AGBL2: variants seen among roughly 807,000 people sequenced by gnomAD.
The protein encoded by AGBL2 is cytosolic carboxypeptidase 2.
AGBL2 carries 87 observed loss-of-function variants against 103.0 expected under a neutral mutation model. The ratio of observed to expected loss-of-function variants is 0.84; its 90% CI spans 0.71 to 1.01. The LOEUF is 1.01. Ranked by LOEUF, AGBL2 falls within the 50% of genes least tolerant of loss-of-function variation. The pLI, the probability that AGBL2 is intolerant of heterozygous loss-of-function variation, is 0.00. For missense variants in AGBL2, 904 were observed against 1,023.5 expected, an observed-to-expected ratio of 0.88 and a Z score of 1.59; for synonymous variants, 335 against 356.7, an observed-to-expected ratio of 0.94 and a Z score of 0.69.
chr11:47,676,813 C>CAAAAAA (rs566335901), intron 14 of AGBL2, among the ~76,000 whole-genome samples: 5 of 69,804 alleles, frequency 7.2e-5, no homozygotes, highest in African/African-American at 9.7e-5. Flanking sequence ...GCCTCCATCT[C>CAAAAAA]AAAAAAAAAA....
intron 3 of AGBL2, among the ~76,000 whole-genome samples, chr11:47,711,293 G>T (rs2097535759): frequency 6.6e-6 from 1 of 152,004 alleles, no homozygotes; most frequent in African/African-American, 2.4e-5. Flanking sequence ...CACCGAAGAG[G>T]AGACTAAAAA....
intron 16 of AGBL2, 61 bp downstream of exon 16, chr11:47,667,510 T>C (rs2097344460): frequency 6.3e-7 from 1 of 1,581,556 alleles, no homozygotes; most frequent in Admixed American, 1.8e-5. Flanking sequence ...CCCCCTTTCC[T>C]TATCCCTCTA....
intron 17 of AGBL2, among the ~76,000 whole-genome samples, chr11:47,665,336 C>T (rs1161975738): frequency 6.6e-6 from 1 of 151,910 alleles, no homozygotes; most frequent in African/African-American, 2.4e-5. Flanking sequence ...TATGAGCCAC[C>T]GTGCCCAGCC....
intron 14 of AGBL2, among the ~76,000 whole-genome samples, chr11:47,670,804 G>C (rs190857725): frequency 6.6e-6 from 1 of 152,002 alleles, no homozygotes; most frequent in East Asian, 1.9e-4. Flanking sequence ...GACCAGCCTG[G>C]GCAACATGGC....
chr11:47,710,510 AGCTAAAAATTG>A lies in AGBL2; in HGVS notation c.98-10_98del, dbSNP rs1158235449. 1.2e-6 allele frequency: 2 copies of A among 1,614,086 alleles called. No individual in the cohort carries two copies. The highest frequency in any genetic ancestry group is 2.2e-5 in the South Asian group (2 of 91,082). The stretch of plus-strand genomic sequence containing the variant: ...CAGAGTTTGGTAAACTGCCTCTCTG[AGCTAAAAATTG>A]GCAGTTTAATTAAAGTTGCTGGAAG... On this transcript the variant is annotated splice_acceptor_variant and splice_polypyrimidine_tract_variant and coding_sequence_variant and intron_variant, in exon 4 of 19. Transcript: ENST00000525123. LOFTEE classifies it high-confidence loss of function.
At chr11:47,674,632 T>G (rs2097368628) in intron 14 of AGBL2, among the ~76,000 whole-genome samples, 1 of 151,684 alleles carries the variant, frequency 6.6e-6, no homozygotes, top group African/African-American at 2.4e-5. Flanking sequence ...TATAGCCTTA[T>G]AGGCCATTGT....
rs767525366 is a variant in AGBL2 at position 47,668,904 on chromosome 11, G to A, written c.2151C>T (p.Thr717=). ...DISLSDIESS[T]SGSDSSLSDG... is the part of the protein sequence containing the mutation. ...CTGAGAGAGAACTGTCAGAGCCACT[G>A]GTGCTGTTTCCAAAAGAAAAAAAGA... Residue 717 remains threonine, a synonymous_variant, in exon 15 of 19, where the codon ACC becomes ACT. Transcript: ENST00000525123. 5 of 1,612,134 alleles carry A rather than the reference G, an allele frequency of 3.1e-6. No individual in the cohort carries two copies. The South Asian group carries it at 5.5e-5, about 18-fold the overall frequency.
chr11:47,687,868 C>T (rs1294310613), intron 10 of AGBL2, among the ~76,000 whole-genome samples: 2 of 143,964 alleles, frequency 1.4e-5, no homozygotes, highest in African/African-American at 2.6e-5. Flanking sequence ...AGTGCAGTGG[C>T]GTGATCTCGG....
At chr11:47,682,130 A>G (rs776170923) in intron 11 of AGBL2, 35 bp from the exon 12 acceptor site, 1 of 1,587,996 alleles carries the variant, frequency 6.3e-7, no homozygotes, top group South Asian at 1.1e-5. Flanking sequence ...TTAATCATAA[A>G]TCAGCAAATG....
At chr11:47,691,729 A>AAAAAAAATAT in intron 9 of AGBL2, among the ~76,000 whole-genome samples, 5 of 4,856 alleles carry the variant, frequency 1.0e-3, no homozygotes, top group African/African-American at 3.6e-3. Context: ...AAAAAAAAAA[A>AAAAAAAATAT]ATATATATAT....
intron 8 of AGBL2, among the ~76,000 whole-genome samples, chr11:47,696,654 T>G (rs951454427): frequency 6.6e-6 from 1 of 152,198 alleles, no homozygotes; most frequent in Non-Finnish European, 1.5e-5. Context: ...TGAGTCAGTT[T>G]TTGTAACTTT....
chr11:47,691,194 G>T (rs2097443962), intron 9 of AGBL2, among the ~76,000 whole-genome samples: 1 of 151,866 alleles, frequency 6.6e-6, no homozygotes, highest in Admixed American at 6.6e-5. Context: ...AACCCACGAG[G>T]TGTAGGTTGC....
chr11:47,692,076 T>G (rs200452286), intron 9 of AGBL2, 27 bp downstream of exon 9: 2 of 1,597,358 alleles, frequency 1.3e-6, no homozygotes, highest in Admixed American at 3.4e-5. Context: ...ACTCCAATTA[T>G]CATCCCTTTG....
chr11:47,693,933 T>G (rs147856275), intron 8 of AGBL2, among the ~76,000 whole-genome samples: 1,663 of 152,264 alleles, frequency 0.011, 16 homozygotes, highest in Non-Finnish European at 0.017. Flanking sequence ...CTCATGCCTG[T>G]AATCCCAGCA....
At chr11:47,675,037 G>T (rs1452417048) in intron 14 of AGBL2, among the ~76,000 whole-genome samples, 1 of 151,674 alleles carries the variant, frequency 6.6e-6, no homozygotes, top group Non-Finnish European at 1.5e-5. Context: ...CCTGATTTAG[G>T]TTTTTTAAAA....
At chr11:47,686,377 G>A (rs1055338753) in intron 10 of AGBL2, among the ~76,000 whole-genome samples, 9 of 150,478 alleles carry the variant, frequency 6.0e-5, no homozygotes, top group Middle Eastern at 3.6e-3. Flanking sequence ...CAAGTCATCC[G>A]CCCACCTCAG....
intron 18 of AGBL2, among the ~76,000 whole-genome samples, chr11:47,661,777 CAG>C (rs537238860): frequency 1.2e-3 from 178 of 150,914 alleles, no homozygotes; most frequent in Non-Finnish European, 2.1e-3. Flanking sequence ...TTTTTGGAGA[CAG>C]AGTCTCACTC....
chr11:47,694,764 C>T (rs2097460577), intron 8 of AGBL2, among the ~76,000 whole-genome samples: 1 of 152,180 alleles, frequency 6.6e-6, no homozygotes, highest in Non-Finnish European at 1.5e-5. Context: ...CTTCCACTTC[C>T]AACACCAGCA....
chr11:47,660,927 CAA>C (rs1158726842), intron 18 of AGBL2, among the ~76,000 whole-genome samples: 1 of 151,938 alleles, frequency 6.6e-6, no homozygotes, highest in Non-Finnish European at 1.5e-5. Flanking sequence ...AAACATTACA[CAA>C]AAAAATAGAA....
Sources: allele counts gnomAD v4.1 joint callset (sites outside exome capture counted in the v4.1 genomes callset), GRCh38; gene constraint gnomAD v4.1.1; transcripts MANE v1.5; gene names NCBI Gene and HGNC (gene_info 2026-07-23, HGNC 2026-07-21).